The following PTPRD variants were observed in gnomAD, a reference collection of about 807,000 sequenced individuals.
PTPRD encodes protein tyrosine phosphatase receptor type D.
A neutral mutation model predicts 214.5 loss-of-function variants in PTPRD; 34 were observed. That is an observed-to-expected ratio of 0.16 (90% CI 0.12 to 0.21). The LOEUF is 0.21. PTPRD is among the 10% of genes least tolerant of loss of function. The pLI, the probability that PTPRD is intolerant of heterozygous loss-of-function variation, is 1.00. For missense variants in PTPRD, 2,545 were observed against 2,398.7 expected (o/e 1.06, Z -1.27); for synonymous variants, 1,128 against 845.7 (o/e 1.33, Z -5.79).
intron 3 of PTPRD, among the ~76,000 whole-genome samples, chr9:10,316,304 A>T (rs2096431009): frequency 6.6e-6 from 1 of 151,696 alleles, no homozygotes; most frequent in Admixed American, 6.6e-5. Context: ...CTCTACTATA[A>T]ATGTAAAGGT....
At chr9:8,627,456 C>G (rs567516877) in intron 14 of PTPRD, among the ~76,000 whole-genome samples, 5 of 151,860 alleles carry the variant, frequency 3.3e-5, no homozygotes, top group African/African-American at 4.8e-5. Flanking sequence ...GTTCGGTTAA[C>G]AAGTTAAGCA....
intron 9 of PTPRD, among the ~76,000 whole-genome samples, chr9:9,315,593 T>C (rs1595664678): frequency 6.6e-6 from 1 of 151,952 alleles, no homozygotes; most frequent in Admixed American, 6.6e-5. Context: ...CACTGAATTT[T>C]TGATTCCCTA....
chr9:8,867,417 G>A (rs1213869629), intron 11 of PTPRD, among the ~76,000 whole-genome samples: 2 of 152,254 alleles, frequency 1.3e-5, no homozygotes, highest in Non-Finnish European at 2.9e-5. Context: ...AGAACAGTTG[G>A]CACTCATGCT....
intron 9 of PTPRD, among the ~76,000 whole-genome samples, chr9:9,197,747 C>A (rs1311512234): frequency 6.6e-6 from 1 of 152,206 alleles, no homozygotes; most frequent in East Asian, 1.9e-4. Context: ...TTCCAGTCTA[C>A]TCTGGCTTCC....
chr9:9,285,523 C>T (rs1160462547), intron 9 of PTPRD, among the ~76,000 whole-genome samples: 3 of 151,770 alleles, frequency 2.0e-5, no homozygotes, highest in Admixed American at 6.6e-5. Flanking sequence ...TGAGTCTAAA[C>T]CCTTGGTAAG....
intron 3 of PTPRD, among the ~76,000 whole-genome samples, chr9:10,118,653 G>C (rs1456372012): frequency 6.6e-6 from 1 of 151,338 alleles, no homozygotes; most frequent in African/African-American, 2.4e-5. Flanking sequence ...CTCAAAATAA[G>C]ATAAAAATGT....
chr9:8,766,518 A>T (rs569966936), intron 11 of PTPRD, among the ~76,000 whole-genome samples: 1 of 152,194 alleles, frequency 6.6e-6, no homozygotes, highest in East Asian at 1.9e-4. Flanking sequence ...ATTACTATCA[A>T]ATAGAAAATT....
Position 9,610,170 on chromosome 9 carries a change from T to C in PTPRD, c.-286-35389A>G, listed in dbSNP as rs1459710861. The stretch of plus-strand genomic sequence containing the variant: ...TTAGGAATCTTTCGAAAGGCTTTTA[T>C]AATGTAGCGTATTTCAACGTAATAA... On this transcript the variant is annotated intron_variant, in intron 7 of 45. Coordinates refer to ENST00000381196, the MANE Select transcript of PTPRD (RefSeq NM_002839.4). 2.8e-4 allele frequency among the ~76,000 whole-genome samples: 42 copies of C among 152,150 alleles called. 1 individual carries two copies. Among genetic ancestry groups the C allele is most frequent in the Admixed American group, 2.7e-3 (41 of 15,278 alleles).
At chr9:9,491,330 A>T (rs2095885160) in intron 8 of PTPRD, among the ~76,000 whole-genome samples, 1 of 152,028 alleles carries the variant, frequency 6.6e-6, no homozygotes, top group South Asian at 2.1e-4. Flanking sequence ...AGGAAGAAAT[A>T]GTTCTACGAT....
At chr9:8,675,975 A>C (rs1169023349) in intron 12 of PTPRD, among the ~76,000 whole-genome samples, 1 of 152,142 alleles carries the variant, frequency 6.6e-6, no homozygotes, top group African/African-American at 2.4e-5. Context: ...CAACCCTCAG[A>C]ATCTAACAGG....
At chr9:8,711,777 C>A (rs1049294297) in intron 12 of PTPRD, among the ~76,000 whole-genome samples, 1 of 152,182 alleles carries the variant, frequency 6.6e-6, no homozygotes, top group African/African-American at 2.4e-5. Flanking sequence ...TTTCTCCCAG[C>A]CCATAAATGT....
intron 3 of PTPRD, among the ~76,000 whole-genome samples, chr9:10,159,609 G>A (rs973081733): frequency 6.6e-6 from 1 of 151,586 alleles, no homozygotes; most frequent in Non-Finnish European, 1.5e-5. Flanking sequence ...TGATCTCCCA[G>A]ATAACATAGA....
At chr9:8,653,697 C>A (rs1355644800) in intron 12 of PTPRD, among the ~76,000 whole-genome samples, 22 of 152,174 alleles carry the variant, frequency 1.4e-4, no homozygotes, top group Admixed American at 1.3e-4. Flanking sequence ...CAGCACTGCA[C>A]TGACCTCTCA....
At chr9:8,780,797 T>C (rs190684013) in intron 11 of PTPRD, among the ~76,000 whole-genome samples, 32 of 152,318 alleles carry the variant, frequency 2.1e-4, no homozygotes, top group African/African-American at 6.3e-4. Context: ...CCCCAGTTTA[T>C]AGATGCCAGA....
chr9:8,841,712 T>TAAAA (rs5896263), intron 11 of PTPRD, among the ~76,000 whole-genome samples: 13 of 150,842 alleles, frequency 8.6e-5, no homozygotes, highest in Admixed American at 2.6e-4. Context: ...AGAAGTGACT[T>TAAAA]AAAAAAAAAA....
chr9:9,473,282 C>T (rs1207512851), intron 8 of PTPRD, among the ~76,000 whole-genome samples: 5 of 152,094 alleles, frequency 3.3e-5, no homozygotes, highest in African/African-American at 4.8e-5. Context: ...TCCAGGTTTA[C>T]GCATGTTGTA....
intron 3 of PTPRD, among the ~76,000 whole-genome samples, chr9:10,195,758 A>G (rs2099395629): frequency 1.3e-5 from 2 of 152,220 alleles, no homozygotes; most frequent in African/African-American, 4.8e-5. Context: ...GGTGGAGGAG[A>G]TGAAGCCTGA....
intron 10 of PTPRD, among the ~76,000 whole-genome samples, chr9:9,137,506 C>T (rs2099852757): frequency 6.6e-6 from 1 of 152,106 alleles, no homozygotes; most frequent in African/African-American, 2.4e-5. Flanking sequence ...TATAACCCCC[C>T]TCTTAATATC....
At chr9:8,942,583 G>A (rs560412547) in intron 11 of PTPRD, among the ~76,000 whole-genome samples, 13 of 152,114 alleles carry the variant, frequency 8.5e-5, no homozygotes, top group African/African-American at 2.4e-4. Context: ...AGGAAGGCAA[G>A]GTAAGAAATT....
Sources: gnomAD v4.1 joint callset for allele counts (sites outside exome capture counted in the v4.1 genomes callset) on GRCh38, gnomAD v4.1.1 for gene constraint, MANE v1.5 for transcripts, NCBI Gene and HGNC (gene_info 2026-07-23, HGNC 2026-07-21) for gene names.